The following RYR3 variants were observed in gnomAD, a reference collection of about 807,000 sequenced individuals.
RYR3 encodes the protein brain ryanodine receptor-calcium release channel.
RYR3 carries 207 observed loss-of-function variants against 584.3 expected under a neutral mutation model. The ratio of observed to expected loss-of-function variants is 0.35; its 90% CI spans 0.32 to 0.40. The LOEUF (loss-of-function observed/expected upper bound fraction) is 0.40, where lower values mean the gene tolerates loss of function less well. Ranked by LOEUF, RYR3 falls within the 10% of genes least tolerant of loss-of-function variation. The pLI is 1.00. For missense variants in RYR3, 5,616 were observed against 6,089.2 expected, an observed-to-expected ratio of 0.92 and a Z score of 2.59; for synonymous variants, 2,416 against 2,248.5, an observed-to-expected ratio of 1.07 and a Z score of -2.11.
intron 42 of RYR3, among the ~76,000 whole-genome samples, 167 bp from the exon 43 acceptor site, chr15:33,706,752 G>A (rs1238153689): frequency 1.3e-5 from 2 of 152,208 alleles, no homozygotes; most frequent in African/African-American, 4.8e-5. Context: ...CTGAGGATCT[G>A]TAGTACTGTT....
chr15:33,752,294 G>A (rs985937029), intron 57 of RYR3, among the ~76,000 whole-genome samples: 1 of 152,148 alleles, frequency 6.6e-6, no homozygotes, highest in Non-Finnish European at 1.5e-5. Context: ...GATGGGAATA[G>A]CATTGAATCT....
At chr15:33,684,405 G>C (rs573436569) in intron 38 of RYR3, among the ~76,000 whole-genome samples, 1 of 152,250 alleles carries the variant, frequency 6.6e-6, no homozygotes, top group East Asian at 1.9e-4. Context: ...TGAGGGACCT[G>C]ACTCTTAGAA....
In RYR3 at chr15:33,543,750, T is replaced by A. The variant is rs2304383; in HGVS notation, c.740+35T>A. 3.9e-4 allele frequency: 514 copies of A among 1,316,464 alleles called. 6 individuals are homozygous for A. The East Asian group carries it at 0.011, about 29-fold the overall frequency. The allele number at this position is 1,316,464 out of a possible 1,614,324, so 81.5% of individuals were successfully genotyped here. A position where few individuals can be genotyped will look rare whatever the true frequency, so the allele number is the denominator to read the frequency against. On this transcript the variant is annotated intron_variant, in intron 8 of 103. Transcript: ENST00000634891. Reference sequence around the variant, plus strand: ...TAGCTGCATTCTTCCACTAGCTGTTTCCAGTCTCAAATGACTCAAACTAAA... The same window carrying A: ...TAGCTGCATTCTTCCACTAGCTGTTACCAGTCTCAAATGACTCAAACTAAA...
chr15:33,545,735 A>G (rs1025581), intron 8 of RYR3, among the ~76,000 whole-genome samples: 109,411 of 151,918 alleles, frequency 0.72, 40,917 homozygotes, highest in Middle Eastern at 0.9. Context: ...GGCCAGGAGC[A>G]CCAAAATCTG....
intron 100 of RYR3, among the ~76,000 whole-genome samples, 166 bp downstream of exon 100, chr15:33,859,897 A>T (rs1486502972): frequency 6.6e-6 from 1 of 152,224 alleles, no homozygotes; most frequent in African/African-American, 2.4e-5. Context: ...TTGGCTATAT[A>T]TAAAGCCAAA....
intron 46 of RYR3, 77 bp from the exon 47 acceptor site, chr15:33,728,780 G>C (rs1567040655): frequency 7.2e-7 from 1 of 1,393,380 alleles, no homozygotes; most frequent in African/African-American, 1.4e-5. Context: ...ATAAGCTATA[G>C]ACAGACAAGC....
Position 33,662,633 on chromosome 15 carries a change from G to A in RYR3, c.5103G>A (p.Glu1701=), listed in dbSNP as rs1346031931. ...CGAAGGCTCTGAGTATGCTGACAGA[G>A]GCAGTGCAGTGCAGCGGGGCCCACA... ...LRTKALSMLT[E]AVQCSGAHIR... The change falls in exon 35 of 104, where the codon GAG becomes GAA. Residue 1701 remains glutamate, a synonymous_variant. Coordinates refer to ENST00000634891, the MANE Select transcript of RYR3 (RefSeq NM_001036.6). The A allele has an allele frequency of 6.2e-7, 1 of 1,613,934 alleles. No individual in the cohort carries two copies. The highest frequency in any genetic ancestry group is 1.3e-5 in the African/African-American group (1 of 74,930).
At chr15:33,861,002 C>T (rs184235909) in intron 101 of RYR3, 76 bp from the exon 102 acceptor site, 27 of 1,135,522 alleles carry the variant, frequency 2.4e-5, no homozygotes, top group Admixed American at 1.6e-4. Flanking sequence ...TCCTTCAATT[C>T]GATAGAATCA....
At chr15:33,681,402 T>C (rs576970512) in intron 38 of RYR3, among the ~76,000 whole-genome samples, 2 of 152,208 alleles carry the variant, frequency 1.3e-5, no homozygotes, top group African/African-American at 4.8e-5. Context: ...TTCTGGACTT[T>C]CTAGGGGAGA....
intron 67 of RYR3, among the ~76,000 whole-genome samples, chr15:33,793,934 A>G (rs2075325160): frequency 6.9e-6 from 1 of 145,250 alleles, no homozygotes; most frequent in Non-Finnish European, 1.5e-5. Context: ...CTATATATAT[A>G]CATATATAAA....
chr15:33,822,573 TCAAA>T (rs1215517510), intron 80 of RYR3, among the ~76,000 whole-genome samples: 1 of 152,228 alleles, frequency 6.6e-6, no homozygotes, highest in Non-Finnish European at 1.5e-5. Flanking sequence ...TTTTATTATG[TCAAA>T]CAAAGTTCCT....
intron 60 of RYR3, among the ~76,000 whole-genome samples, chr15:33,758,859 C>T (rs114475564): frequency 0.01 from 1,534 of 152,290 alleles, 26 homozygotes; most frequent in African/African-American, 0.036. Flanking sequence ...GAGAAACCTC[C>T]CAGCAGGGGT....
chr15:33,436,154 G>A lies in RYR3; in HGVS notation c.52-37265G>A, dbSNP rs142017220. Among the ~76,000 whole-genome samples the A allele has an allele frequency of 3.1e-3, 476 of 152,248 alleles. 4 individuals are homozygous for A. The highest frequency in any genetic ancestry group is 0.011 in the African/African-American group (446 of 41,548). On this transcript the variant is annotated intron_variant, in intron 1 of 103. Coordinates refer to ENST00000634891, the MANE Select transcript of RYR3 (RefSeq NM_001036.6). ...ATATAGCAAGTTATATTTCAAGGTT[G>A]TGTTCATTTGAGTTGTCATTGCCAC...
intron 2 of RYR3, among the ~76,000 whole-genome samples, chr15:33,480,624 G>A (rs2049872040): frequency 6.6e-6 from 1 of 152,204 alleles, no homozygotes; most frequent in African/African-American, 2.4e-5. Context: ...AAGTGTTAGT[G>A]AGTGGATGTT....
At position 33,816,904 on chromosome 15, in the gene RYR3, T is replaced by G. The variant is rs749281055; in HGVS notation, c.10545T>G (p.Phe3515Leu). Reference sequence around the variant, plus strand: ...TCTTCCTCCATGGCTATCAGAGATTTTGGATAGAAACAGAGGAGTATTCCT... The same window carrying G: ...TCTTCCTCCATGGCTATCAGAGATTGTGGATAGAAACAGAGGAGTATTCCT... Reference protein sequence around the residue: ...INLFLHGYQRFWIETEEYSFE... With the variant: ...INLFLHGYQRLWIETEEYSFE... The change falls in exon 75 of 104, where the codon TTT becomes TTG. Residue 3515 changes from phenylalanine (F) to leucine (L), a missense_variant. This residue lies in a region of RYR3 where 954 missense variants were observed against 1,132.2 expected (regional missense o/e 0.84). Coordinates refer to ENST00000634891, the MANE Select transcript of RYR3 (RefSeq NM_001036.6). The G allele has an allele frequency of 4.3e-6, 7 of 1,612,610 alleles. No individual in the cohort carries two copies. The highest frequency in any genetic ancestry group is 5.9e-6 in the Non-Finnish European group (7 of 1,179,254).
intron 3 of RYR3, among the ~76,000 whole-genome samples, chr15:33,524,729 C>T (rs76355012): frequency 5.3e-5 from 8 of 152,258 alleles, no homozygotes; most frequent in African/African-American, 1.9e-4. Flanking sequence ...ATCAAAGTTG[C>T]TTCAAGTGTC....
chr15:33,525,440 A>G (rs2054314124), intron 3 of RYR3, among the ~76,000 whole-genome samples: 1 of 152,222 alleles, frequency 6.6e-6, no homozygotes, highest in South Asian at 2.1e-4. Context: ...AAATTGCAAA[A>G]TATCGCACTA....
chr15:33,372,847 T>C (rs778430861), intron 1 of RYR3, among the ~76,000 whole-genome samples: 20 of 152,230 alleles, frequency 1.3e-4, no homozygotes, highest in Non-Finnish European at 2.5e-4. Context: ...AAGTTTCAGC[T>C]GCTCACCACC....
intron 19 of RYR3, among the ~76,000 whole-genome samples, chr15:33,618,379 C>G (rs1311759202): frequency 1.3e-5 from 2 of 152,220 alleles, no homozygotes; most frequent in Non-Finnish European, 2.9e-5. Flanking sequence ...AACAGCTTAG[C>G]TATTTCCAGC....
Sources: allele counts gnomAD v4.1 joint callset (sites outside exome capture counted in the v4.1 genomes callset), GRCh38; gene constraint gnomAD v4.1.1; regional missense constraint gnomAD v4.1.1; transcripts MANE v1.5; gene names NCBI Gene and HGNC (gene_info 2026-07-23, HGNC 2026-07-21).